The following CSMD3 variants were observed in gnomAD, a reference collection of about 807,000 sequenced individuals.
CSMD3 encodes CUB and sushi domain-containing protein 3.
CSMD3 carries 177 observed loss-of-function variants against 435.2 expected under a neutral mutation model. That is an observed-to-expected ratio of 0.41 (90% CI 0.36 to 0.46). The LOEUF (loss-of-function observed/expected upper bound fraction) is 0.46, where lower values mean the gene tolerates loss of function less well. CSMD3 is among the 20% of genes least tolerant of loss of function. The pLI is 0.34. For missense variants in CSMD3, 4,265 were observed against 4,504.6 expected (o/e 0.95, Z 1.52); for synonymous variants, 1,656 against 1,520.5 (o/e 1.09, Z -2.07).
intron 1 of CSMD3, among the ~76,000 whole-genome samples, chr8:113,327,052 C>A (rs1278730502): frequency 6.6e-6 from 1 of 152,072 alleles, no homozygotes; most frequent in Non-Finnish European, 1.5e-5. Flanking sequence ...GTCTAAGTCC[C>A]AGCTGGATTT....
At chr8:112,503,464 G>C (rs1822190679) in intron 30 of CSMD3, among the ~76,000 whole-genome samples, 1 of 152,184 alleles carries the variant, frequency 6.6e-6, no homozygotes, top group African/African-American at 2.4e-5. Context: ...GTATTTGACT[G>C]AAACTTCAGC....
At chr8:112,397,432 C>T (rs1351717646) in intron 35 of CSMD3, among the ~76,000 whole-genome samples, 7 of 152,272 alleles carry the variant, frequency 4.6e-5, no homozygotes, top group African/African-American at 1.7e-4. Context: ...AGTCATATGA[C>T]ACAATTTTCT....
chr8:112,550,822 G>A lies in CSMD3; in HGVS notation c.4413C>T (p.Val1471=), dbSNP rs2131190241. ...TATCATTTTCTGGTGGACCGTCCCA[G>A]ACTCGGAGTATATCATGTGATGCTT... The part of the protein sequence containing the change: ...DTEASHDILR[V]WDGPPENDML... Residue 1471 remains valine (V), a synonymous_variant, in exon 27 of 71, where the codon GTC becomes GTT. Transcript: ENST00000297405. 1 of 1,612,380 alleles carries A rather than the reference G, an allele frequency of 6.2e-7. No individual in the cohort carries two copies. Among genetic ancestry groups the A allele is most frequent in the Non-Finnish European group, 8.5e-7 (1 of 1,178,778 alleles).
At chr8:112,225,886 A>T (rs1812507540) in intron 70 of CSMD3, among the ~76,000 whole-genome samples, 3 of 152,080 alleles carry the variant, frequency 2.0e-5, no homozygotes, top group Admixed American at 2.0e-4. Flanking sequence ...ACCTTTGACT[A>T]ATGCTAATCT....
At chr8:112,729,584 G>A (rs1266877300) in intron 13 of CSMD3, among the ~76,000 whole-genome samples, 1 of 152,060 alleles carries the variant, frequency 6.6e-6, no homozygotes, top group Non-Finnish European at 1.5e-5. Context: ...TGTAATTAAC[G>A]ATTTTGGTAT....
chr8:113,417,392 G>A (rs1159894069), intron 1 of CSMD3, among the ~76,000 whole-genome samples: 2 of 151,860 alleles, frequency 1.3e-5, no homozygotes, highest in Admixed American at 1.3e-4. Flanking sequence ...AGACAAAGGA[G>A]AAAATAAAAC....
chr8:112,827,945 A>G (rs186827650), intron 12 of CSMD3, among the ~76,000 whole-genome samples: 38 of 152,308 alleles, frequency 2.5e-4, no homozygotes, highest in Admixed American at 2.0e-3. Flanking sequence ...AAATTTTTAC[A>G]TGTAATTTTC....
At chr8:112,811,296 G>A (rs2079220416) in intron 12 of CSMD3, among the ~76,000 whole-genome samples, 1 of 151,804 alleles carries the variant, frequency 6.6e-6, no homozygotes, top group African/African-American at 2.4e-5. Flanking sequence ...AATTATAAAG[G>A]TAAGAGAACT....
Position 113,430,370 on chromosome 8 carries a change from AT to A in CSMD3, c.178+6306del, listed in dbSNP as rs5894149. Among the ~76,000 whole-genome samples the A allele has an allele frequency of 4.0e-3, 603 of 149,088 alleles. 1 individual carries two copies. Among genetic ancestry groups the A allele is most frequent in the South Asian group, 0.018 (85 of 4,744 alleles). On this transcript the variant is annotated intron_variant, in intron 1 of 70. Transcript: ENST00000297405. Reference sequence around the variant, plus strand: ...CTATAAACCCCCGATATTGTCATGTATTTTTTTTTTTACAGATAATAAAACT... The same window carrying A: ...CTATAAACCCCCGATATTGTCATGTATTTTTTTTTTACAGATAATAAAACT...
At chr8:112,728,758 A>T (rs1168466633) in intron 13 of CSMD3, among the ~76,000 whole-genome samples, 1 of 152,068 alleles carries the variant, frequency 6.6e-6, no homozygotes, top group Admixed American at 6.6e-5. Flanking sequence ...ATAAATTTGC[A>T]TGCCATTTCT....
chr8:112,277,651 G>A (rs1413700142), intron 59 of CSMD3, among the ~76,000 whole-genome samples: 1 of 152,102 alleles, frequency 6.6e-6, no homozygotes, highest in Non-Finnish European at 1.5e-5. Flanking sequence ...CTTTCACACT[G>A]CTGAAAAAGA....
intron 4 of CSMD3, among the ~76,000 whole-genome samples, chr8:113,118,537 C>T (rs2090901106): frequency 6.6e-6 from 1 of 152,114 alleles, no homozygotes; most frequent in Admixed American, 6.6e-5. Context: ...TGGCTAACAT[C>T]TGTAATCCCA....
chr8:113,211,498 T>C (rs2092834056), intron 3 of CSMD3, among the ~76,000 whole-genome samples: 3 of 152,132 alleles, frequency 2.0e-5, no homozygotes, highest in African/African-American at 7.2e-5. Flanking sequence ...GAGACCAGCC[T>C]GGCCAACATG....
chr8:112,674,154 T>C (rs1460161255), intron 16 of CSMD3, among the ~76,000 whole-genome samples: 1 of 152,126 alleles, frequency 6.6e-6, no homozygotes, highest in Non-Finnish European at 1.5e-5. Context: ...GGGAAGAGCA[T>C]GCTAAAGGAA....
At chr8:112,790,926 T>C (rs1349362924) in intron 13 of CSMD3, among the ~76,000 whole-genome samples, 1 of 152,190 alleles carries the variant, frequency 6.6e-6, no homozygotes, top group Non-Finnish European at 1.5e-5. Context: ...GTTTACAGAT[T>C]CATTGAGATA....
intron 42 of CSMD3, 117 bp downstream of exon 42, chr8:112,341,360 T>A: frequency 1.3e-6 from 1 of 753,490 alleles, no homozygotes; most frequent in South Asian, 1.8e-5. Context: ...CACCTTGGCT[T>A]AAGTTTTTTT....
chr8:112,644,091 T>A (rs949399105), intron 20 of CSMD3, among the ~76,000 whole-genome samples: 1 of 151,728 alleles, frequency 6.6e-6, no homozygotes, highest in Non-Finnish European at 1.5e-5. Context: ...AAAGTACTTT[T>A]CAAAATCAGA....
chr8:112,974,906 T>C (rs1225895494), intron 7 of CSMD3, among the ~76,000 whole-genome samples: 3 of 151,934 alleles, frequency 2.0e-5, no homozygotes, highest in Middle Eastern at 3.4e-3. Context: ...GCAAAAACCA[T>C]AGCCAGTTTA....
chr8:112,591,773 A>T (rs1831213793), intron 22 of CSMD3, among the ~76,000 whole-genome samples: 1 of 152,056 alleles, frequency 6.6e-6, no homozygotes, highest in Non-Finnish European at 1.5e-5. Context: ...CTCATAGAGG[A>T]TCATAGGAGG....
Sources: allele counts gnomAD v4.1 joint callset (sites outside exome capture counted in the v4.1 genomes callset), GRCh38; gene constraint gnomAD v4.1.1; transcripts MANE v1.5; gene names NCBI Gene and HGNC (gene_info 2026-07-23, HGNC 2026-07-21).